The following RHOBTB3 variants were observed in gnomAD, a reference collection of about 807,000 sequenced individuals.
The protein encoded by RHOBTB3 is rho-related BTB domain-containing protein 3.
In RHOBTB3, 47 loss-of-function variants were observed where a neutral mutation model predicts 67.2. The ratio of observed to expected loss-of-function variants is 0.70; its 90% CI spans 0.55 to 0.89. The LOEUF is 0.89. RHOBTB3 is among the 40% of genes least tolerant of loss of function. The probability of loss-of-function intolerance (pLI) is 0.00; values close to 1 mark genes in which losing one functional copy is unlikely to be tolerated. For missense variants in RHOBTB3, 631 were observed against 750.0 expected, an observed-to-expected ratio of 0.84 and a Z score of 1.85; for synonymous variants, 273 against 274.2, an observed-to-expected ratio of 1.00 and a Z score of 0.04.
intron 8 of RHOBTB3, among the ~76,000 whole-genome samples, chr5:95,778,256 C>A (rs1157631013): frequency 6.6e-6 from 1 of 152,148 alleles, no homozygotes; most frequent in African/African-American, 2.4e-5. Context: ...CTATGAGTAT[C>A]CTCCTGCATA....
upstream of RHOBTB3, among the ~76,000 whole-genome samples, chr5:95,729,934 G>A (rs1034717184): frequency 2.6e-5 from 4 of 151,838 alleles, no homozygotes; most frequent in African/African-American, 9.7e-5. Context: ...CTTTGTTTTT[G>A]ACTTATGGGT....
chr5:95,729,770 T>C (rs1051071552), upstream of RHOBTB3, among the ~76,000 whole-genome samples: 7 of 152,236 alleles, frequency 4.6e-5, no homozygotes, highest in African/African-American at 1.7e-4. Context: ...GGAATCACTT[T>C]TTGTGATTTG....
In RHOBTB3 at chr5:95,748,290, T is replaced by C. The variant is rs144385717; in HGVS notation, c.416-43T>C. 69 of 1,490,210 alleles carry C rather than the reference T, an allele frequency of 4.6e-5. 1 individual carries two copies. In the African/African-American group the frequency reaches 7.4e-4, roughly 16 times the overall value. 92.3% of individuals were successfully genotyped at this position (1,490,210 alleles called of 1,614,324 possible). On this transcript the variant is annotated intron_variant, in intron 3 of 11. Coordinates refer to ENST00000379982, the MANE Select transcript of RHOBTB3 (RefSeq NM_014899.4). ...GATTGTCTGTGTACCTTTTTTTTCC[T>C]GTTTAATTTCGAAACTCTTTGTTTT...
Position 95,793,189 on chromosome 5 carries a change from A to G in RHOBTB3, c.*15A>G, listed in dbSNP as rs764753665. 12 of 1,489,744 alleles carry G rather than the reference A, an allele frequency of 8.1e-6. No individual in the cohort carries two copies. Among genetic ancestry groups the G allele is most frequent in the African/African-American group, 2.8e-5 (2 of 71,486 alleles). 92.3% of individuals were successfully genotyped at this position (1,489,744 alleles called of 1,614,324 possible). ...TAGTAATGTAACCTGGAGCTTTTAT[A>G]CACTACATTTCTTTTTTATTATTAT... is the stretch of plus-strand genomic sequence containing the variant. On this transcript the variant is annotated 3_prime_UTR_variant, in exon 12 of 12. Transcript: ENST00000379982.
intron 7 of RHOBTB3, among the ~76,000 whole-genome samples, chr5:95,765,363 A>C (rs973263710): frequency 6.6e-6 from 1 of 152,154 alleles, no homozygotes; most frequent in African/African-American, 2.4e-5. Context: ...CTTATTGGGG[A>C]AAGGGAAGGC....
chr5:95,723,005 G>C lies in RHOBTB3; in HGVS notation n.133+5240G>C, dbSNP rs145076450. ...CTGAGCACAATGATAGAGGTGGGTG[G>C]ATAACAGAAATTCAAACAAAGAAAC... On this transcript the variant is annotated intron_variant and non_coding_transcript_variant, in intron 1 of 5. Transcript: ENST00000504949. Among the ~76,000 whole-genome samples the C allele has an allele frequency of 4.2e-3, 645 of 152,176 alleles. 7 individuals carry two copies. Among genetic ancestry groups the C allele is most frequent in the African/African-American group, 0.015 (615 of 41,530 alleles).
chr5:95,731,235 C>G, upstream of RHOBTB3: 1 of 1,005,430 alleles, frequency 9.9e-7, no homozygotes, highest in Non-Finnish European at 1.2e-6. Context: ...GCCCGACCCC[C>G]GGGGCTGGCA....
rs775941835 is a variant in RHOBTB3 at position 95,783,796 on chromosome 5, GCTGGCATATTC to G, written c.1458_1468del (p.Ile488HisfsTer20). ...TTCTCTCATGTCCCTTTTCTCATCA[GCTGGCATATTC>G]CAGGCCATGTGTCTCCTGATCTGTG... On this transcript the variant is annotated frameshift_variant and splice_region_variant, in exon 10 of 12. Transcript: ENST00000379982. LOFTEE classifies it high-confidence loss of function. 1 of 1,605,238 alleles carries G rather than the reference GCTGGCATATTC, an allele frequency of 6.2e-7. No homozygotes were observed. Among genetic ancestry groups the G allele is most frequent in the Non-Finnish European group, 8.5e-7 (1 of 1,173,964 alleles).
chr5:95,789,707 T>G (rs1580432975), intron 11 of RHOBTB3: 1 of 150,354 alleles, frequency 6.7e-6, no homozygotes, highest in South Asian at 2.1e-4. Context: ...AGAGAGGGAG[T>G]AAGGGAAAGG....
chr5:95,763,474 C>T, intron 6 of RHOBTB3, 34 bp from the exon 7 acceptor site: 1 of 1,241,936 alleles, frequency 8.1e-7, no homozygotes, highest in Non-Finnish European at 1.2e-6. Context: ...CCTCATTTAA[C>T]AGAAAAATCC....
At chr5:95,721,153 C>G (rs543290361) in intron 1 of RHOBTB3, among the ~76,000 whole-genome samples, 1 of 152,226 alleles carries the variant, frequency 6.6e-6, no homozygotes, top group Non-Finnish European at 1.5e-5. Flanking sequence ...TTGCACTGCA[C>G]TATTTACGTT....
At chr5:95,749,981 G>A (rs1205681698) in intron 4 of RHOBTB3, among the ~76,000 whole-genome samples, 2 of 152,136 alleles carry the variant, frequency 1.3e-5, no homozygotes, top group Non-Finnish European at 2.9e-5. Flanking sequence ...GGATTGATGT[G>A]GCCAAGGTTG....
At chr5:95,757,022 T>A (rs1745265736) in intron 6 of RHOBTB3, among the ~76,000 whole-genome samples, 1 of 152,218 alleles carries the variant, frequency 6.6e-6, no homozygotes, top group Non-Finnish European at 1.5e-5. Flanking sequence ...AAGAGAGAAT[T>A]GCATTCAGCT....
At chr5:95,745,091 C>A (rs1252189814) in intron 3 of RHOBTB3, among the ~76,000 whole-genome samples, 1 of 151,030 alleles carries the variant, frequency 6.6e-6, no homozygotes, top group Non-Finnish European at 1.5e-5. Context: ...TAAATAAATA[C>A]ATAAAAATTT....
intron 7 of RHOBTB3, among the ~76,000 whole-genome samples, chr5:95,767,389 G>A (rs1745579655): frequency 1.3e-5 from 2 of 151,604 alleles, no homozygotes; most frequent in Non-Finnish European, 2.9e-5. Flanking sequence ...CCAGGCTGGA[G>A]TGCAGTGGCA....
intron 11 of RHOBTB3, among the ~76,000 whole-genome samples, chr5:95,792,389 A>G (rs1423570849): frequency 3.8e-5 from 2 of 52,612 alleles, no homozygotes; most frequent in South Asian, 6.3e-4. Flanking sequence ...TCCGTCTCAG[A>G]AAAAAAAAAA....
At chr5:95,737,212 C>A in intron 3 of RHOBTB3, 137 bp downstream of exon 3, 1 of 572,228 alleles carries the variant, frequency 1.7e-6, no homozygotes, top group Non-Finnish European at 3.0e-6. Flanking sequence ...GCTGCTATCG[C>A]TTCATCATTT....
At chr5:95,736,728 A>G (rs1755462235) in intron 2 of RHOBTB3, among the ~76,000 whole-genome samples, 161 bp from the exon 3 acceptor site, 1 of 152,238 alleles carries the variant, frequency 6.6e-6, no homozygotes, top group Non-Finnish European at 1.5e-5. Context: ...GTAAGTAAAC[A>G]TTTTTAAAAA....
Position 95,793,327 on chromosome 5 carries a change from A to C in RHOBTB3, c.*153A>C. 3.8e-6 allele frequency: 2 copies of C among 521,262 alleles called. No homozygotes were observed. Among genetic ancestry groups the C allele is most frequent in the Non-Finnish European group, 6.8e-6 (2 of 296,244 alleles). 32.3% of individuals were successfully genotyped at this position (521,262 alleles called of 1,614,324 possible). ...GTTTATTAGTTCTCTTTGGAAAAAA[A>C]CTACCACTGTGGTCTTAAAAGGGAA... On this transcript the variant is annotated 3_prime_UTR_variant, in exon 12 of 12. Transcript: ENST00000379982.
Sources: allele counts gnomAD v4.1 joint callset (sites outside exome capture counted in the v4.1 genomes callset), GRCh38; gene constraint gnomAD v4.1.1; transcripts MANE v1.5; gene names NCBI Gene and HGNC (gene_info 2026-07-23, HGNC 2026-07-21).